TCF4: variants seen among roughly 807,000 people sequenced by gnomAD.
TCF4 encodes the protein transcription factor 4.
TCF4 carries 3 observed loss-of-function variants against 82.1 expected under a neutral mutation model. The observed-to-expected ratio is 0.04, with a 90% CI of 0.02 to 0.09. The LOEUF is 0.09. TCF4 is among the 10% of genes least tolerant of loss of function. The pLI, the probability that TCF4 is intolerant of heterozygous loss-of-function variation, is 1.00. For synonymous variants in TCF4, 276 were observed against 309.6 expected (o/e 0.89, Z 1.14); for missense variants, 518 against 852.7 (o/e 0.61, Z 4.89).
In TCF4 at chr18:55,225,602, A is replaced by C. The variant is rs1397711486; in HGVS notation, c.*2433T>G. On this transcript the variant is annotated 3_prime_UTR_variant, in exon 20 of 20. Transcript: ENST00000354452. Reference sequence around the variant, plus strand: ...CAAAATGAGTGCAGAATGTACCACTAAAAGGAAATCTTTAACATACGGAGG... The same window carrying C: ...CAAAATGAGTGCAGAATGTACCACTCAAAGGAAATCTTTAACATACGGAGG... 2 of 152,566 alleles carry C rather than the reference A, an allele frequency of 1.3e-5. No individual in the cohort carries two copies. Among genetic ancestry groups the C allele is most frequent in the Non-Finnish European group, 2.9e-5 (2 of 67,990 alleles). 9.5% of individuals were successfully genotyped at this position (152,566 alleles called of 1,614,324 possible).
intron 5 of TCF4, among the ~76,000 whole-genome samples, chr18:55,457,673 G>C (rs1412561223): frequency 6.6e-6 from 1 of 152,092 alleles, no homozygotes; most frequent in Non-Finnish European, 1.5e-5. Context: ...TTTTGGTAGA[G>C]ATGAGGTTTC....
At chr18:55,480,276 CA>C (rs74180500) in intron 3 of TCF4, among the ~76,000 whole-genome samples, 239 of 27,694 alleles carry the variant, frequency 8.6e-3, no homozygotes, top group Middle Eastern at 0.038. Flanking sequence ...GTAGGAACTC[CA>C]AAAAAAAAAA....
intron 10 of TCF4, 41 bp downstream of exon 10, chr18:55,275,578 A>T: frequency 6.2e-7 from 1 of 1,613,340 alleles, no homozygotes; most frequent in Non-Finnish European, 8.5e-7. Flanking sequence ...GGTTTAATCA[A>T]CTAGCTGTGA....
At chr18:55,251,787 C>T (rs1600192290) in intron 15 of TCF4, among the ~76,000 whole-genome samples, 1 of 152,286 alleles carries the variant, frequency 6.6e-6, no homozygotes, top group East Asian at 1.9e-4. Flanking sequence ...GCTGAAGTTT[C>T]CGGTGCATAC....
intron 3 of TCF4, among the ~76,000 whole-genome samples, chr18:55,580,767 T>C (rs1897338665): frequency 1.3e-5 from 2 of 151,742 alleles, no homozygotes; most frequent in South Asian, 4.2e-4. Flanking sequence ...TGTGTGTGTG[T>C]GTGTGTGTGT....
chr18:55,283,056 ATCTCT>A (rs1379517894), intron 8 of TCF4, among the ~76,000 whole-genome samples: 1 of 152,138 alleles, frequency 6.6e-6, no homozygotes, highest in Non-Finnish European at 1.5e-5. Flanking sequence ...TAGCGCCATT[ATCTCT>A]TCTCTTCTAA....
At chr18:55,440,606 T>C (rs2095421221) in intron 5 of TCF4, among the ~76,000 whole-genome samples, 1 of 152,198 alleles carries the variant, frequency 6.6e-6, no homozygotes. Context: ...AGGCCCCTTC[T>C]TCAGGTACTT....
At chr18:55,338,277 C>T (rs2079075876) in intron 8 of TCF4, among the ~76,000 whole-genome samples, 1 of 152,182 alleles carries the variant, frequency 6.6e-6, no homozygotes, top group African/African-American at 2.4e-5. Flanking sequence ...TGTCCTCAAA[C>T]TATGTGCCCT....
chr18:55,311,889 G>A (rs1318144540), intron 8 of TCF4, among the ~76,000 whole-genome samples: 1 of 152,114 alleles, frequency 6.6e-6, no homozygotes, highest in East Asian at 1.9e-4. Flanking sequence ...ATCTATTACT[G>A]TCTAGTTATG....
intron 15 of TCF4, among the ~76,000 whole-genome samples, chr18:55,243,098 A>G (rs1377227578): frequency 6.6e-6 from 1 of 152,224 alleles, no homozygotes; most frequent in African/African-American, 2.4e-5. Context: ...GAATTTTGAT[A>G]TAGATTATCC....
At chr18:55,574,898 G>C (rs191384525) in intron 3 of TCF4, among the ~76,000 whole-genome samples, 4 of 152,098 alleles carry the variant, frequency 2.6e-5, no homozygotes, top group Admixed American at 2.6e-4. Flanking sequence ...CGTTACTCCA[G>C]TGAAACACAC....
rs188372947 is a variant in TCF4 at position 55,391,446 on chromosome 18, A to G, written c.369+12008T>C. ...AATTCTGATTCCCTTAGGGTTTGAT[A>G]TCTTACTTGTAAGTGATGACCCTCT... On this transcript the variant is annotated intron_variant, in intron 6 of 19. Coordinates refer to ENST00000354452, the MANE Select transcript of TCF4 (RefSeq NM_001083962.2). Among the ~76,000 whole-genome samples the G allele has an allele frequency of 2.8e-3, 423 of 152,226 alleles. 1 individual carries two copies. The highest frequency in any genetic ancestry group is 9.8e-3 in the African/African-American group (408 of 41,520).
upstream of TCF4, among the ~76,000 whole-genome samples, chr18:55,593,605 G>C (rs2097687942): frequency 6.6e-6 from 1 of 152,164 alleles, no homozygotes; most frequent in Non-Finnish European, 1.5e-5. Flanking sequence ...TAGCCAGGCA[G>C]CCCTCTGGTA....
chr18:55,517,015 G>A (rs1019610280), intron 3 of TCF4, among the ~76,000 whole-genome samples: 1 of 152,166 alleles, frequency 6.6e-6, no homozygotes, highest in Non-Finnish European at 1.5e-5. Context: ...ACTATTACCA[G>A]AGTGCTACAA....
intron 5 of TCF4, among the ~76,000 whole-genome samples, chr18:55,445,729 G>A (rs2144119953): frequency 6.6e-6 from 1 of 152,280 alleles, no homozygotes; most frequent in Admixed American, 6.5e-5. Flanking sequence ...AATGACTTCA[G>A]TTCCAGTATT....
At position 55,300,763 on chromosome 18, in the gene TCF4, C is replaced by T. The variant is rs143138359; in HGVS notation, c.550-21107G>A. Among the ~76,000 whole-genome samples, 287 of 152,084 alleles carry T rather than the reference C, an allele frequency of 1.9e-3. 1 individual carries two copies. Among genetic ancestry groups the T allele is most frequent in the Middle Eastern group, 3.4e-3 (1 of 294 alleles). ...CCACCTTCCAATCCCCTGCTTGGCC[C>T]CTTGAGAGGGATGAAATTGCAGGTC... On this transcript the variant is annotated intron_variant, in intron 8 of 19. Coordinates refer to ENST00000354452, the MANE Select transcript of TCF4 (RefSeq NM_001083962.2).
chr18:55,589,942 T>A (rs2097681253), upstream of TCF4: 2 of 606,884 alleles, frequency 3.3e-6, no homozygotes, highest in African/African-American at 2.0e-5. Flanking sequence ...CGACCACGCC[T>A]CCTCCGGGAG....
At chr18:55,303,694 T>C (rs1270716549) in intron 8 of TCF4, among the ~76,000 whole-genome samples, 1 of 152,036 alleles carries the variant, frequency 6.6e-6, no homozygotes. Context: ...GATAAAATAA[T>C]GGCTGGAGAG....
At chr18:55,385,685 G>A (rs2092531612) in intron 6 of TCF4, among the ~76,000 whole-genome samples, 1 of 152,234 alleles carries the variant, frequency 6.6e-6, no homozygotes, top group African/African-American at 2.4e-5. Flanking sequence ...ATAGGCATGA[G>A]CCACCGCGGC....
Sources: gnomAD v4.1 joint callset for allele counts (sites outside exome capture counted in the v4.1 genomes callset) on GRCh38, gnomAD v4.1.1 for gene constraint, MANE v1.5 for transcripts, NCBI Gene and HGNC (gene_info 2026-07-23, HGNC 2026-07-21) for gene names.